MRTFB: variants seen among roughly 807,000 people sequenced by gnomAD.
The protein encoded by MRTFB is myocardin related transcription factor B.
MRTFB carries 29 observed loss-of-function variants against 104.2 expected under a neutral mutation model. The ratio of observed to expected loss-of-function variants is 0.28; its 90% confidence interval spans 0.21 to 0.38. The LOEUF (loss-of-function observed/expected upper bound fraction) is 0.38, where lower values mean the gene tolerates loss of function less well. Among genes scored for constraint, MRTFB ranks in the 10% least tolerant of loss-of-function variants. The pLI, the probability that MRTFB is intolerant of heterozygous loss-of-function variation, is 1.00. For synonymous variants in MRTFB, 535 were observed against 519.5 expected, an observed-to-expected ratio of 1.03 and a Z score of -0.41; for missense variants, 1,270 against 1,341.6, an observed-to-expected ratio of 0.95 and a Z score of 0.83.
chr16:14,050,655 G>A, the MRTFB span, among the ~76,000 whole-genome samples: 1 of 152,210 alleles, frequency 6.6e-6, no homozygotes, highest in Non-Finnish European at 1.5e-5. Flanking sequence ...GTGATTCAGT[G>A]TTTTCAGGCA....
At chr16:14,255,106 T>C (rs2043423078) in intron 15 of MRTFB, among the ~76,000 whole-genome samples, 2 of 152,200 alleles carry the variant, frequency 1.3e-5, no homozygotes, top group Admixed American at 6.5e-5. Flanking sequence ...TCATAACTTA[T>C]CCAATCTGAA....
At chr16:14,256,158 A>T (rs1402066732) in intron 15 of MRTFB, among the ~76,000 whole-genome samples, 2 of 138,728 alleles carry the variant, frequency 1.4e-5, no homozygotes, top group Non-Finnish European at 3.0e-5. Flanking sequence ...AAAATGTCAA[A>T]TTTTTTTTTA....
At chr16:14,227,760 T>C (rs2042074755) in intron 8 of MRTFB, among the ~76,000 whole-genome samples, 1 of 152,174 alleles carries the variant, frequency 6.6e-6, no homozygotes. Flanking sequence ...TCCAACTGCC[T>C]TGGCCTCCCA....
rs762266610 is a variant in MRTFB, at chr16:14,260,960, C to G, written c.2816C>G (p.Pro939Arg). The change falls in exon 17 of 17, where the codon CCA becomes CGA. Residue 939 changes from proline (P) to arginine (R), a missense_variant. Around this residue, in one of 3 missense-constraint regions of MRTFB, gnomAD observed 1,144 missense variants for 1,131.5 expected, o/e 1.01. Transcript: ENST00000571589. ...EEPSPISKMR[P>R]VTASITTMPV... ...CCTTCTCCTATTTCCAAAATGAGAC[C>G]AGTGACAGCCAGCATCACCACAATG... 2.7e-5 allele frequency: 43 copies of G among 1,613,840 alleles called. No individual in the cohort carries two copies. Among genetic ancestry groups the G allele is most frequent in the Non-Finnish European group, 3.3e-5 (39 of 1,179,940 alleles).
intron 3 of MRTFB, chr16:14,143,242 A>ATGTTGTCT (rs1199919023): frequency 6.6e-6 from 1 of 151,100 alleles, no homozygotes; most frequent in Non-Finnish European, 1.5e-5. Flanking sequence ...GCATTTTTTA[A>ATGTTGTCT]TGTTGTCTTT....
At chr16:14,110,527 C>T (rs2036216583) in intron 2 of MRTFB, among the ~76,000 whole-genome samples, 2 of 152,126 alleles carry the variant, frequency 1.3e-5, no homozygotes, top group African/African-American at 4.8e-5. Flanking sequence ...AATCCCATAA[C>T]CTCAGAGGTC....
At chr16:14,124,078 T>C (rs1840016383) in intron 2 of MRTFB, among the ~76,000 whole-genome samples, 1 of 152,214 alleles carries the variant, frequency 6.6e-6, no homozygotes, top group South Asian at 2.1e-4. Context: ...CTGTTATTGG[T>C]GTATAAGAAT....
intron 3 of MRTFB, among the ~76,000 whole-genome samples, chr16:14,155,421 T>G (rs68105689): frequency 0.15 from 22,400 of 152,168 alleles, 2,403 homozygotes; most frequent in East Asian, 0.3. Flanking sequence ...ATTCTGGGTC[T>G]GTTTTTATTG....
At chr16:14,252,804 G>A (rs759236029) in intron 15 of MRTFB, among the ~76,000 whole-genome samples, 1 of 152,144 alleles carries the variant, frequency 6.6e-6, no homozygotes, top group African/African-American at 2.4e-5. Flanking sequence ...ATTATGACCA[G>A]GACACATTTT....
intron 8 of MRTFB, among the ~76,000 whole-genome samples, chr16:14,227,615 G>A (rs1391087754): frequency 6.6e-6 from 1 of 152,080 alleles, no homozygotes; most frequent in Admixed American, 6.6e-5. Flanking sequence ...AGGTTCAAGG[G>A]ATTCTCCTGC....
intron 3 of MRTFB, chr16:14,141,572 A>G (rs922416329): frequency 1.3e-5 from 2 of 152,202 alleles, no homozygotes; most frequent in Admixed American, 6.5e-5. Context: ...GTTTTTTAAA[A>G]GCCAGAAGAA....
At chr16:14,012,337 C>T in the MRTFB span, among the ~76,000 whole-genome samples, 3 of 124,592 alleles carry the variant, frequency 2.4e-5, no homozygotes, top group Non-Finnish European at 4.7e-5. Flanking sequence ...CTCGCTCTGT[C>T]ACCCAGGCTG....
the MRTFB span, among the ~76,000 whole-genome samples, chr16:14,050,000 T>C: frequency 6.6e-6 from 1 of 152,242 alleles, no homozygotes; most frequent in Non-Finnish European, 1.5e-5. Flanking sequence ...TCCAAAGTGC[T>C]GGGATTACAG....
the MRTFB span, among the ~76,000 whole-genome samples, chr16:14,008,898 TG>T: frequency 1.3e-5 from 2 of 151,920 alleles, no homozygotes; most frequent in Non-Finnish European, 2.9e-5. Flanking sequence ...CATACTTCTT[TG>T]GTTAAATGTA....
chr16:14,229,878 A>G (rs1157716893), intron 8 of MRTFB, among the ~76,000 whole-genome samples: 5 of 152,188 alleles, frequency 3.3e-5, no homozygotes, highest in Non-Finnish European at 7.3e-5. Flanking sequence ...CAGTGGTCAG[A>G]TCCAATAAGA....
the MRTFB span, among the ~76,000 whole-genome samples, chr16:14,053,092 T>C: frequency 2.0e-5 from 3 of 152,252 alleles, no homozygotes; most frequent in South Asian, 4.2e-4. Context: ...TTCCATTGTA[T>C]ATATACATTT....
Position 14,252,445 on chromosome 16 carries a change from C to G in MRTFB, c.2646C>G (p.Pro882=). ...GTCCAGTCGCCAAGACAAAAGATCC[C>G]CCCCGCTATGAGGAGGCCATCAAGC... ...FGSPVAKTKD[P]PRYEEAIKQT... is the part of the protein sequence containing the mutation. The change falls in exon 15 of 17, where the codon CCC becomes CCG. Residue 882 remains proline (P), a synonymous_variant. Transcript: ENST00000571589. 2.5e-6 allele frequency: 4 copies of G among 1,613,850 alleles called. No homozygotes were observed. The highest frequency in any genetic ancestry group is 3.4e-6 in the Non-Finnish European group (4 of 1,179,986).
At chr16:14,124,551 A>C (rs1051455971) in intron 2 of MRTFB, among the ~76,000 whole-genome samples, 1 of 152,072 alleles carries the variant, frequency 6.6e-6, no homozygotes, top group African/African-American at 2.4e-5. Context: ...AGTTCTGTTT[A>C]TATGATGGAT....
At chr16:14,206,244 CCTTCCTCAGTCGTGGA>C (rs1318413448) in intron 3 of MRTFB, among the ~76,000 whole-genome samples, 3 of 152,188 alleles carry the variant, frequency 2.0e-5, no homozygotes, top group African/African-American at 4.8e-5. Flanking sequence ...GTCCCTTACC[CCTTCCTCAGTCGTGGA>C]TAAGCACCAG....
Sources: gnomAD v4.1 joint callset for allele counts (sites outside exome capture counted in the v4.1 genomes callset) on GRCh38, gnomAD v4.1.1 for gene constraint, gnomAD v4.1.1 regional missense constraint, MANE v1.5 for transcripts, NCBI Gene and HGNC (gene_info 2026-07-23, HGNC 2026-07-21) for gene names.